Variants in MALRD1 observed in about 807,000 individuals in gnomAD.
The protein encoded by MALRD1 is MAM and LDL receptor class A domain containing 1.
In MALRD1, 247 loss-of-function variants were observed where a neutral mutation model predicts 242.1. The observed-to-expected ratio is 1.02, with a 90% CI of 0.92 to 1.13. The LOEUF (loss-of-function observed/expected upper bound fraction) is 1.13. Ranked by LOEUF, MALRD1 falls within the 50% of genes most tolerant of loss-of-function variation. The probability of loss-of-function intolerance (pLI) is 0.00; values close to 1 mark genes in which losing one functional copy is unlikely to be tolerated. For missense variants in MALRD1, 2,989 were observed against 2,533.1 expected, an observed-to-expected ratio of 1.18 and a Z score of -3.86; for synonymous variants, 995 against 866.6, an observed-to-expected ratio of 1.15 and a Z score of -2.60.
In MALRD1 at chr10:19,128,356, G is replaced by C; in HGVS notation, c.1079G>C (p.Ser360Thr). The change falls in exon 8 of 40, where the codon AGT becomes ACT. Residue 360 changes from serine (S) to threonine (T), a missense_variant. Transcript: ENST00000454679. ...HLQFYYAMES[S>T]VLRVRLYNNK... ...CAATTCTATTATGCAATGGAAAGCA[G>C]TGTCCTGAGAGTAAGACTGTATAAT... The C allele has an allele frequency of 8.1e-7, 1 of 1,233,204 alleles. No homozygotes were observed. The highest frequency in any genetic ancestry group is 1.0e-6 in the Non-Finnish European group (1 of 987,612). The allele number at this position is 1,233,204 out of a possible 1,614,324, so 76.4% of individuals were successfully genotyped here.
intron 28 of MALRD1, among the ~76,000 whole-genome samples, chr10:19,430,041 A>G (rs1834059229): frequency 6.6e-6 from 1 of 150,632 alleles, no homozygotes; most frequent in Admixed American, 6.6e-5. Flanking sequence ...TAATATTCAG[A>G]CACTTCCATA....
At chr10:19,226,000 G>A (rs1021811915) in intron 18 of MALRD1, among the ~76,000 whole-genome samples, 7 of 152,154 alleles carry the variant, frequency 4.6e-5, no homozygotes, top group African/African-American at 1.7e-4. Context: ...GATGACAGAA[G>A]TAGATGTTTT....
intron 32 of MALRD1, among the ~76,000 whole-genome samples, chr10:19,565,400 A>G (rs1216233659): frequency 6.6e-6 from 1 of 152,218 alleles, no homozygotes; most frequent in African/African-American, 2.4e-5. Context: ...AAAGTGTTAC[A>G]GTTACATTTT....
At chr10:19,450,906 C>T (rs1345217711) in intron 29 of MALRD1, among the ~76,000 whole-genome samples, 6 of 152,114 alleles carry the variant, frequency 3.9e-5, no homozygotes, top group Non-Finnish European at 7.3e-5. Context: ...TTTATAAGGG[C>T]ACTAATCCCA....
At chr10:19,299,062 A>G (rs949628886) in intron 21 of MALRD1, among the ~76,000 whole-genome samples, 2 of 152,078 alleles carry the variant, frequency 1.3e-5, no homozygotes, top group East Asian at 3.9e-4. Context: ...GATGTCTACA[A>G]CCGGAAGGAA....
intron 28 of MALRD1, among the ~76,000 whole-genome samples, chr10:19,415,801 A>C (rs190057476): frequency 2.2e-4 from 34 of 152,302 alleles, no homozygotes; most frequent in Admixed American, 9.8e-4. Flanking sequence ...TGCCAATAGA[A>C]AGGGGTGTTC....
chr10:19,610,293 A>G (rs1838835254), intron 35 of MALRD1, among the ~76,000 whole-genome samples: 1 of 151,856 alleles, frequency 6.6e-6, no homozygotes, highest in Non-Finnish European at 1.5e-5. Context: ...CCATTACCCT[A>G]CTGTGCAGTA....
intron 38 of MALRD1, among the ~76,000 whole-genome samples, chr10:19,697,024 T>C (rs1269025866): frequency 6.6e-6 from 1 of 152,204 alleles, no homozygotes; most frequent in African/African-American, 2.4e-5. Flanking sequence ...GTCTAGACTT[T>C]AAGAAGTTTG....
At chr10:19,699,773 G>T (rs1241909232) in intron 38 of MALRD1, among the ~76,000 whole-genome samples, 3 of 151,838 alleles carry the variant, frequency 2.0e-5, no homozygotes, top group Non-Finnish European at 4.4e-5. Context: ...AGAGAGAGTA[G>T]GGGGGAAGTG....
intron 36 of MALRD1, among the ~76,000 whole-genome samples, chr10:19,651,200 C>T (rs894723671): frequency 5.3e-5 from 8 of 152,114 alleles, no homozygotes; most frequent in Non-Finnish European, 1.2e-4. Context: ...AATTAACTAT[C>T]GTGGTTAGGA....
chr10:19,478,625 CT>C (rs1836850431), intron 29 of MALRD1, among the ~76,000 whole-genome samples: 1 of 152,024 alleles, frequency 6.6e-6, no homozygotes, highest in South Asian at 2.1e-4. Flanking sequence ...CTAAGTTCAC[CT>C]TTCTCAAAAA....
chr10:19,439,820 A>G (rs979960223), intron 28 of MALRD1, among the ~76,000 whole-genome samples: 16 of 151,864 alleles, frequency 1.1e-4, no homozygotes, highest in African/African-American at 3.9e-4. Context: ...TCCCCACTCC[A>G]TTTCCCTTTT....
At chr10:19,287,400 T>C (rs957897489) in intron 21 of MALRD1, among the ~76,000 whole-genome samples, 4 of 151,538 alleles carry the variant, frequency 2.6e-5, no homozygotes, top group Non-Finnish European at 4.4e-5. Context: ...CTCCCTCCCA[T>C]CGTTCCGACT....
At chr10:19,435,560 T>C (rs1313766343) in intron 28 of MALRD1, among the ~76,000 whole-genome samples, 6 of 152,182 alleles carry the variant, frequency 3.9e-5, no homozygotes, top group African/African-American at 1.4e-4. Context: ...GTATTTAATC[T>C]GATGCTTTTT....
chr10:19,367,216 C>T (rs909318439), intron 26 of MALRD1, among the ~76,000 whole-genome samples: 1 of 151,994 alleles, frequency 6.6e-6, no homozygotes, highest in Non-Finnish European at 1.5e-5. Flanking sequence ...CTTACTCCTT[C>T]TCTCTAGCTG....
At chr10:19,469,951 T>C (rs1836414247) in intron 29 of MALRD1, among the ~76,000 whole-genome samples, 2 of 152,044 alleles carry the variant, frequency 1.3e-5, no homozygotes, top group Admixed American at 1.3e-4. Flanking sequence ...GGACTTTTTA[T>C]GGTAAAAACA....
At chr10:19,603,849 C>T (rs995967511) in intron 34 of MALRD1, among the ~76,000 whole-genome samples, 2 of 152,082 alleles carry the variant, frequency 1.3e-5, no homozygotes, top group East Asian at 3.9e-4. Flanking sequence ...GTGCCATGAA[C>T]CATGCCCATA....
At chr10:19,081,788 G>T (rs1488363954) in intron 2 of MALRD1, among the ~76,000 whole-genome samples, 1 of 151,960 alleles carries the variant, frequency 6.6e-6, no homozygotes, top group Non-Finnish European at 1.5e-5. Context: ...TGAAAAGAAA[G>T]AAAATCATCC....
At chr10:19,126,850 A>T (rs1479157283) in intron 7 of MALRD1, among the ~76,000 whole-genome samples, 1 of 152,060 alleles carries the variant, frequency 6.6e-6, no homozygotes, top group South Asian at 2.1e-4. Flanking sequence ...TGCACCTGTC[A>T]ACCCATTACC....
Sources: gnomAD v4.1 joint callset for allele counts (sites outside exome capture counted in the v4.1 genomes callset) on GRCh38, gnomAD v4.1.1 for gene constraint, MANE v1.5 for transcripts, NCBI Gene and HGNC (gene_info 2026-07-23, HGNC 2026-07-21) for gene names.